Variants in GPAT3 observed in about 807,000 individuals in gnomAD.
GPAT3 encodes glycerol-3-phosphate acyltransferase 3, also known as 1-AGP acyltransferase 9.
A neutral mutation model predicts 58.8 loss-of-function variants in GPAT3; 53 were observed. The observed-to-expected ratio is 0.90, with a 90% confidence interval of 0.72 to 1.13. The LOEUF (loss-of-function observed/expected upper bound fraction) is 1.13. Among genes scored for constraint, GPAT3 ranks in the 50% most tolerant of loss-of-function variants. The pLI, the probability that GPAT3 is intolerant of heterozygous loss-of-function variation, is 0.00. For synonymous variants in GPAT3, 197 were observed against 187.4 expected (o/e 1.05, Z -0.42); for missense variants, 511 against 527.6 (o/e 0.97, Z 0.31).
At chr4:83,562,185 ATATATATATATAT>A (rs1725155209) in intron 2 of GPAT3, among the ~76,000 whole-genome samples, 1 of 52,022 alleles carries the variant, frequency 1.9e-5, no homozygotes, top group Admixed American at 2.3e-4. Flanking sequence ...TATATTATAT[ATATATATATATAT>A]AATATATATA....
In GPAT3 at chr4:83,596,840, T is replaced by C. The variant is rs1474091214; in HGVS notation, c.855-18T>C. 6 of 1,596,602 alleles carry C rather than the reference T, an allele frequency of 3.8e-6. No individual in the cohort carries two copies. The highest frequency in any genetic ancestry group is 5.1e-6 in the Non-Finnish European group (6 of 1,167,020). On this transcript the variant is annotated intron_variant, in intron 7 of 11. Coordinates refer to ENST00000264409, the MANE Select transcript of GPAT3 (RefSeq NM_032717.5). Reference sequence around the variant, plus strand: ...TCTCTTTATAAAGGCAGAATTTTGATCCTTTTTTTTTCCATAGACTAAAAG... The same window carrying C: ...TCTCTTTATAAAGGCAGAATTTTGACCCTTTTTTTTTCCATAGACTAAAAG...
intron 2 of GPAT3, among the ~76,000 whole-genome samples, chr4:83,580,720 A>T (rs567552186): frequency 6.6e-6 from 1 of 152,218 alleles, no homozygotes; most frequent in Non-Finnish European, 1.5e-5. Flanking sequence ...TATGATATTA[A>T]CTATTAATAT....
At position 83,587,706 on chromosome 4, in the gene GPAT3, G is replaced by T. The variant is rs1726431311; in HGVS notation, c.554+377G>T. Among the ~76,000 whole-genome samples the T allele has an allele frequency of 2.0e-5, 3 of 152,164 alleles. No individual in the cohort carries two copies. In the South Asian group the frequency reaches 6.2e-4, roughly 32 times the overall value. ...CTCCCAAAGTGCTGGGATTACAGGT[G>T]TGAGCTACCACACCAGGCTGCATTG... On this transcript the variant is annotated intron_variant, in intron 4 of 11. Coordinates refer to ENST00000264409, the MANE Select transcript of GPAT3 (RefSeq NM_032717.5).
intron 1 of GPAT3, among the ~76,000 whole-genome samples, chr4:83,537,589 A>ATGTGTGTGTG (rs1491311222): frequency 5.9e-4 from 74 of 125,490 alleles, no homozygotes; most frequent in African/African-American, 2.0e-3. Flanking sequence ...TATATGTATA[A>ATGTGTGTGTG]TATGTGTGTG....
chr4:83,536,715 T>C lies in GPAT3; in HGVS notation c.93T>C (p.Ser31=). The part of the protein sequence containing the change: ...FILLPSVFGV[S]LGISEIYMKI... ...TTTTACCTTCGGTCTTCGGAGTGTC[T>C]CTGGGCATCTCCGAGATCTACATGA... Residue 31 remains serine, a synonymous_variant, in exon 1 of 12, where the codon TCT becomes TCC. Coordinates refer to ENST00000264409, the MANE Select transcript of GPAT3 (RefSeq NM_032717.5). The C allele has an allele frequency of 6.2e-7, 1 of 1,605,380 alleles. No individual in the cohort carries two copies. Among genetic ancestry groups the C allele is most frequent in the Non-Finnish European group, 8.5e-7 (1 of 1,176,160 alleles).
intron 6 of GPAT3, among the ~76,000 whole-genome samples, chr4:83,590,904 T>C (rs1250831407): frequency 4.6e-5 from 7 of 151,530 alleles, no homozygotes; most frequent in Non-Finnish European, 8.8e-5. Context: ...TTTTTTTTTT[T>C]TCAAATCTGT....
chr4:83,556,310 C>T (rs138610202), intron 2 of GPAT3, among the ~76,000 whole-genome samples: 370 of 152,096 alleles, frequency 2.4e-3, no homozygotes, highest in Admixed American at 5.0e-3. Flanking sequence ...CCATTCTGGC[C>T]AACATGGTGG....
chr4:83,598,732 A>G lies in GPAT3; in HGVS notation c.1205+9A>G. On this transcript the variant is annotated intron_variant, in intron 11 of 11. Transcript: ENST00000264409. The stretch of plus-strand genomic sequence containing the variant: ...CTGACTGAACTTCCCTGGTAAGAGA[A>G]CTTTCAGAAGTACTATCACTTTTTT... 9.7e-7 allele frequency: 1 copy of G among 1,036,120 alleles called. No homozygotes were observed. Among genetic ancestry groups the G allele is most frequent in the Non-Finnish European group, 1.4e-6 (1 of 720,524 alleles). 64.2% of individuals were successfully genotyped at this position (1,036,120 alleles called of 1,614,324 possible).
chr4:83,574,624 ATTTTTTTTTTTTTTTTTTTT>A (rs561972057), intron 2 of GPAT3, among the ~76,000 whole-genome samples: 851 of 55,404 alleles, frequency 0.015, 33 homozygotes, highest in Non-Finnish European at 0.023. Flanking sequence ...AGTAAAATGA[ATTTTTTTTTTTTTTTTTTTT>A]TTTTTTTTTT....
chr4:83,542,091 A>G (rs1277560981), intron 1 of GPAT3, among the ~76,000 whole-genome samples: 2 of 152,220 alleles, frequency 1.3e-5, no homozygotes, highest in African/African-American at 4.8e-5. Context: ...AATTCAGCCC[A>G]TAACAGGCAC....
At chr4:83,597,719 G>A (rs888139769) in intron 9 of GPAT3, among the ~76,000 whole-genome samples, 1 of 152,128 alleles carries the variant, frequency 6.6e-6, no homozygotes, top group Admixed American at 6.5e-5. Context: ...GTGACTCTGT[G>A]CCAGGTGTTG....
chr4:83,562,212 T>A (rs1391367624), intron 2 of GPAT3, among the ~76,000 whole-genome samples: 82 of 11,368 alleles, frequency 7.2e-3, no homozygotes, highest in African/African-American at 0.053. Context: ...ATATATATAT[T>A]ATATATATAT....
intron 2 of GPAT3, among the ~76,000 whole-genome samples, chr4:83,562,254 A>G (rs1371562846): frequency 7.3e-6 from 1 of 137,812 alleles, no homozygotes; most frequent in African/African-American, 2.7e-5. Context: ...TATATAAAAT[A>G]TAGTTTGGCT....
chr4:83,603,610 GA>G (rs1203947990), intron 11 of GPAT3, among the ~76,000 whole-genome samples: 1 of 151,890 alleles, frequency 6.6e-6, no homozygotes, highest in Non-Finnish European at 1.5e-5. Context: ...GGCAAACATG[GA>G]AAAACCCTGT....
chr4:83,559,763 T>C (rs181290611), intron 2 of GPAT3, among the ~76,000 whole-genome samples: 192 of 152,298 alleles, frequency 1.3e-3, no homozygotes, highest in African/African-American at 4.3e-3. Flanking sequence ...TCACCGAAGC[T>C]CCTGGGACCC....
rs573785816 is a variant in GPAT3, at chr4:83,537,323, A to G, written c.141+560A>G. On this transcript the variant is annotated intron_variant, in intron 1 of 11. Transcript: ENST00000264409. ...GCACTTGAAATGCCATTGAAAAGGT[A>G]TATATTCTTTGACCTCAGGTCTCCC... Among the ~76,000 whole-genome samples the G allele has an allele frequency of 1.5e-4, 23 of 152,308 alleles. No homozygotes were observed. In the South Asian group the frequency reaches 2.7e-3, roughly 18 times the overall value.
At chr4:83,546,130 G>A (rs979315372) in intron 2 of GPAT3, among the ~76,000 whole-genome samples, 23 of 152,152 alleles carry the variant, frequency 1.5e-4, no homozygotes, top group East Asian at 3.9e-4. Context: ...GACTACAGGC[G>A]TGCGCCACCA....
Position 83,598,190 on chromosome 4 carries a change from G to C in GPAT3, c.1125+11G>C, listed in dbSNP as rs1258653720. The C allele has an allele frequency of 1.2e-6, 2 of 1,610,182 alleles. No individual in the cohort carries two copies. Among genetic ancestry groups the C allele is most frequent in the East Asian group, 4.5e-5 (2 of 44,766 alleles). On this transcript the variant is annotated intron_variant, in intron 10 of 11. Coordinates refer to ENST00000264409, the MANE Select transcript of GPAT3 (RefSeq NM_032717.5). Reference sequence around the variant, plus strand: ...CCCATGACCAGAGAGGTATTCCTTAGCTAACACTTTATCTAATCAGGTAGA... The same window carrying C: ...CCCATGACCAGAGAGGTATTCCTTACCTAACACTTTATCTAATCAGGTAGA...
At position 83,547,825 on chromosome 4, in the gene GPAT3, T is replaced by G. The variant is rs1035977214; in HGVS notation, c.208+3223T>G. 3.9e-5 allele frequency among the ~76,000 whole-genome samples: 6 copies of G among 151,920 alleles called. No individual in the cohort carries two copies. The East Asian group carries it at 1.2e-3, about 29-fold the overall frequency. ...AAATCTCGTTAAGAAGCTCTGTTAT[T>G]GCACTTTCACCTTCCTCTTCTTCTT... On this transcript the variant is annotated intron_variant, in intron 2 of 11. Coordinates refer to ENST00000264409, the MANE Select transcript of GPAT3 (RefSeq NM_032717.5).
Sources: gnomAD v4.1 joint callset for allele counts (sites outside exome capture counted in the v4.1 genomes callset) on GRCh38, gnomAD v4.1.1 for gene constraint, MANE v1.5 for transcripts, NCBI Gene and HGNC (gene_info 2026-07-23, HGNC 2026-07-21) for gene names.